KHDC1: variants seen among roughly 807,000 people sequenced by gnomAD.
KHDC1 encodes KH homology domain-containing protein 1.
Under a neutral mutation model 24.7 loss-of-function variants are expected in KHDC1, and 21 were observed. The observed-to-expected ratio is 0.85, with a 90% CI of 0.60 to 1.23. The LOEUF (loss-of-function observed/expected upper bound fraction) is 1.23, where lower values mean the gene tolerates loss of function less well. Ranked by LOEUF, KHDC1 falls within the 50% of genes most tolerant of loss-of-function variation. KHDC1 has a pLI of 0.00. For missense variants in KHDC1, 274 were observed against 298.5 expected, an observed-to-expected ratio of 0.92 and a Z score of 0.61; for synonymous variants, 98 against 111.7, an observed-to-expected ratio of 0.88 and a Z score of 0.77.
At chr6:73,246,496 A>G (rs976457708) in intron 2 of KHDC1, among the ~76,000 whole-genome samples, 4 of 152,210 alleles carry the variant, frequency 2.6e-5, no homozygotes, top group Admixed American at 1.3e-4. Flanking sequence ...TTCTCAAGTA[A>G]GAGAAGGAGA....
intron 2 of KHDC1, chr6:73,291,178 T>C (rs769286406): frequency 4.7e-5 from 23 of 487,072 alleles, no homozygotes; most frequent in African/African-American, 2.9e-4. Flanking sequence ...CTACTGAAGA[T>C]TGGAGCACTT....
chr6:73,261,469 A>G (rs1766978132), intron 2 of KHDC1, among the ~76,000 whole-genome samples: 1 of 151,312 alleles, frequency 6.6e-6, no homozygotes, highest in South Asian at 2.1e-4. Context: ...TTTTTTAAAA[A>G]AATAAGCATA....
At chr6:73,241,942 G>A in intron 4 of KHDC1, 113 bp downstream of exon 3, 1 of 1,213,002 alleles carries the variant, frequency 8.2e-7, no homozygotes, top group Non-Finnish European at 1.1e-6. Flanking sequence ...ACTCTGGGAA[G>A]CACTTGGATT....
At chr6:73,287,685 AAT>A (rs1767549426) in intron 2 of KHDC1, among the ~76,000 whole-genome samples, 1 of 152,228 alleles carries the variant, frequency 6.6e-6, no homozygotes, top group Non-Finnish European at 1.5e-5. Flanking sequence ...GGAAAAGAGA[AAT>A]AGCCAAACAT....
intron 2 of KHDC1, chr6:73,268,872 G>A (rs12529651): frequency 0.076 from 11,649 of 153,620 alleles, 503 homozygotes; most frequent in Non-Finnish European, 0.09. Context: ...CCCTGCGGTC[G>A]CACTCCTCAG....
At chr6:73,258,559 G>A (rs374970295) in intron 2 of KHDC1, among the ~76,000 whole-genome samples, 12 of 152,198 alleles carry the variant, frequency 7.9e-5, no homozygotes, top group East Asian at 3.9e-4. Context: ...TAAAGTGAAC[G>A]TTGAGTCTCT....
intron 2 of KHDC1, among the ~76,000 whole-genome samples, chr6:73,248,701 C>T (rs911145808): frequency 6.6e-6 from 1 of 152,142 alleles, no homozygotes; most frequent in African/African-American, 2.4e-5. Context: ...CTACCTCTTC[C>T]ACTTGATTCT....
At chr6:73,259,356 A>G (rs1766938808) in intron 2 of KHDC1, among the ~76,000 whole-genome samples, 3 of 132,692 alleles carry the variant, frequency 2.3e-5, no homozygotes, top group Non-Finnish European at 4.5e-5. Flanking sequence ...GGCTATTCAT[A>G]GGTGCAGTTA....
intron 1 of KHDC1, chr6:73,292,087 G>A (rs528183821): frequency 5.8e-5 from 93 of 1,611,686 alleles, no homozygotes; most frequent in Non-Finnish European, 7.3e-5. Flanking sequence ...AAGGTAAATT[G>A]GACCTTCTTA....
intron 1 of KHDC1, chr6:73,299,785 G>C (rs1767832124): frequency 6.6e-6 from 1 of 152,270 alleles, no homozygotes; most frequent in African/African-American, 2.4e-5. Flanking sequence ...GTTTGATACA[G>C]ATCAGGTTTT....
At chr6:73,281,865 C>T (rs1767420087) in intron 2 of KHDC1, among the ~76,000 whole-genome samples, 1 of 152,046 alleles carries the variant, frequency 6.6e-6, no homozygotes, top group South Asian at 2.1e-4. Context: ...GATTCTCAGA[C>T]TTTTTTTGTT....
intron 2 of KHDC1, among the ~76,000 whole-genome samples, chr6:73,260,745 G>C (rs921224793): frequency 6.6e-5 from 10 of 152,114 alleles, no homozygotes; most frequent in Non-Finnish European, 1.5e-4. Flanking sequence ...TCAAATTTCA[G>C]TTTTAGCCAG....
At chr6:73,291,643 T>C (rs929918273) in intron 2 of KHDC1, among the ~76,000 whole-genome samples, 1 of 152,094 alleles carries the variant, frequency 6.6e-6, no homozygotes, top group Admixed American at 6.5e-5. Flanking sequence ...GTTTCTGTTA[T>C]CAACAGAATG....
intron 2 of KHDC1, among the ~76,000 whole-genome samples, chr6:73,261,759 A>G (rs1166385070): frequency 6.6e-6 from 1 of 152,006 alleles, no homozygotes; most frequent in African/African-American, 2.4e-5. Context: ...TAAAAATACA[A>G]AAATTAGCTG....
intron 2 of KHDC1, among the ~76,000 whole-genome samples, chr6:73,280,153 C>T (rs1767376917): frequency 6.6e-6 from 1 of 152,000 alleles, no homozygotes; most frequent in Non-Finnish European, 1.5e-5. Context: ...TTAAATATAT[C>T]CTTTTTTGTT....
intron 2 of KHDC1, among the ~76,000 whole-genome samples, chr6:73,253,512 C>T (rs1766820084): frequency 6.6e-6 from 1 of 151,346 alleles, no homozygotes. Context: ...AAGATAGCAC[C>T]ACTGCAGTCC....
At chr6:73,246,339 G>A (rs1766664383) in intron 2 of KHDC1, among the ~76,000 whole-genome samples, 1 of 152,172 alleles carries the variant, frequency 6.6e-6, no homozygotes. Context: ...AATTGTGATA[G>A]CATAGACTAC....
At chr6:73,293,294 G>C in intron 1 of KHDC1, 1 of 571,284 alleles carries the variant, frequency 1.8e-6, no homozygotes. Context: ...ATAAGGAAAA[G>C]ATTTTAAAAA....
In KHDC1 at chr6:73,293,180, G is replaced by A. The variant is rs966976321; in HGVS notation, c.164-1140C>T. 6 of 724,110 alleles carry A rather than the reference G, an allele frequency of 8.3e-6. No homozygotes were observed. In the African/African-American group the frequency reaches 1.0e-4, roughly 13 times the overall value. The allele number at this position is 724,110 out of a possible 1,614,324, so 44.9% of individuals were successfully genotyped here. Reference sequence around the variant, plus strand: ...GAAAAGACCAAAAGCCTTTCTTTTAGAAGCTAGATTTTGGCCATGAATATT... The same window carrying A: ...GAAAAGACCAAAAGCCTTTCTTTTAAAAGCTAGATTTTGGCCATGAATATT... On this transcript the variant is annotated intron_variant, in intron 1 of 4. Coordinates refer to ENST00000370384, the Ensembl canonical transcript of KHDC1.
Sources: allele counts gnomAD v4.1 joint callset (sites outside exome capture counted in the v4.1 genomes callset), GRCh38; gene constraint gnomAD v4.1.1; transcripts MANE v1.5; gene names NCBI Gene and HGNC (gene_info 2026-07-23, HGNC 2026-07-21).